Variants in RNPC3 observed in about 807,000 individuals in gnomAD.
RNPC3 encodes RNA binding region (RNP1, RRM) containing 3.
In RNPC3, 48 loss-of-function variants were observed where a neutral mutation model predicts 67.5. The observed-to-expected ratio is 0.71, with a 90% CI of 0.56 to 0.90. RNPC3 has a LOEUF of 0.90. Ranked by LOEUF, RNPC3 falls within the 40% of genes least tolerant of loss-of-function variation. RNPC3 has a pLI of 0.00. For missense variants in RNPC3, 637 were observed against 626.1 expected, an observed-to-expected ratio of 1.02 and a Z score of -0.19; for synonymous variants, 239 against 210.3, an observed-to-expected ratio of 1.14 and a Z score of -1.18.
At chr1:103,546,493 T>G (rs1438395484) in intron 11 of RNPC3, 151 bp downstream of exon 11, 5 of 423,754 alleles carry the variant, frequency 1.2e-5, no homozygotes, top group Non-Finnish European at 4.1e-6. Context: ...TATTTTCAGG[T>G]TAATTTTTTA....
At position 103,541,391 on chromosome 1, in the gene RNPC3, G is replaced by A; in HGVS notation, c.809G>A (p.Arg270Lys). 2.0e-6 allele frequency: 3 copies of A among 1,508,624 alleles called. No individual in the cohort carries two copies. The highest frequency in any genetic ancestry group is 2.6e-6 in the Non-Finnish European group (3 of 1,136,886). 93.5% of individuals were successfully genotyped at this position (1,508,624 alleles called of 1,614,324 possible). ...LMELANLQPK[R>K]PKTIKQRHVR... ...GAACTAGCAAATCTTCAGCCCAAAA[G>A]ACCTAAAACAATAAAGCAGCGCCAT... Residue 270 changes from arginine (R) to lysine (K), a missense_variant, in exon 8 of 15, where the codon AGA (arginine) becomes AAA (lysine). Physicochemically the swap from Arg to Lys is conservative, Grantham distance 26. This residue lies in a region of RNPC3 where 536 missense variants were observed against 500.3 expected (regional missense o/e 1.07). Transcript: ENST00000423855.
chr1:103,540,096 G>A lies in RNPC3; in HGVS notation c.768-1254G>A, dbSNP rs376783433. 1.5e-4 allele frequency among the ~76,000 whole-genome samples: 23 copies of A among 152,188 alleles called. No individual in the cohort carries two copies. In the South Asian group the frequency reaches 3.7e-3, roughly 25 times the overall value. On this transcript the variant is annotated intron_variant, in intron 7 of 14. Coordinates refer to ENST00000423855, the MANE Select transcript of RNPC3 (RefSeq NM_017619.4). ...TGCACAGGCTGGTCTCAAAATCCTG[G>A]GCTCAAGTGACCCGCCCTCCTTGGC...
At position 103,544,921 on chromosome 1, in the gene RNPC3, T is replaced by C. The variant is rs1651208413; in HGVS notation, c.1046-20T>C. 6.8e-6 allele frequency: 10 copies of C among 1,478,162 alleles called. No individual in the cohort carries two copies. Among genetic ancestry groups the C allele is most frequent in the Non-Finnish European group, 8.1e-6 (9 of 1,108,412 alleles). The allele number at this position is 1,478,162 out of a possible 1,614,324, so 91.6% of individuals were successfully genotyped here. Reference sequence around the variant, plus strand: ...TAAAGGAGAGATTCTTAATGGTTAATGTTAATATTGAACTCTTAGATTTAC... The same window carrying C: ...TAAAGGAGAGATTCTTAATGGTTAACGTTAATATTGAACTCTTAGATTTAC... On this transcript the variant is annotated intron_variant, in intron 9 of 14. Transcript: ENST00000423855.
rs553233702 is a variant in RNPC3 at position 103,547,878 on chromosome 1, C to T, written c.1361+843C>T. 3.3e-4 allele frequency among the ~76,000 whole-genome samples: 50 copies of T among 152,248 alleles called. No individual in the cohort carries two copies. The South Asian group carries it at 0.01, about 32-fold the overall frequency. On this transcript the variant is annotated intron_variant, in intron 12 of 14. Transcript: ENST00000423855. ...AGGGAAGCCTGGATCCAGGCATTTC[C>T]ATATATCCTCTGAAATCCAGGTGGA...
chr1:103,537,780 CTA>C (rs1651020437), intron 7 of RNPC3, among the ~76,000 whole-genome samples: 1 of 151,866 alleles, frequency 6.6e-6, no homozygotes, highest in Admixed American at 6.6e-5. Context: ...GAGAATTTGC[CTA>C]TGTGCTAAAA....
At chr1:103,534,673 T>G (rs1650939219) in intron 3 of RNPC3, 101 bp from the exon 4 acceptor site, 2 of 631,920 alleles carry the variant, frequency 3.2e-6, no homozygotes, top group Non-Finnish European at 5.3e-6. Context: ...TTAATGAAGC[T>G]GTTTTTATAA....
intron 9 of RNPC3, among the ~76,000 whole-genome samples, chr1:103,543,933 A>G (rs1021824991): frequency 2.6e-5 from 4 of 151,812 alleles, no homozygotes; most frequent in Non-Finnish European, 3.0e-5. Context: ...AAACAAATGT[A>G]TTGAAATTAC....
intron 3 of RNPC3, 142 bp downstream of exon 3, chr1:103,533,999 C>T (rs1476158698): frequency 3.4e-6 from 2 of 595,214 alleles, no homozygotes; most frequent in African/African-American, 1.9e-5. Flanking sequence ...AAACCTAGTA[C>T]AGTAAAACAG....
chr1:103,526,153 C>G lies in RNPC3; in HGVS notation c.83C>G (p.Thr28Ser). ...CTTTCCCCGCCTCGGGGCGACCGAA[C>G]CCTTCTGGTCAGGCACCTGCCGGCT... ...SSLSPPRGDR[T>S]LLVRHLPAEL... Residue 28 changes from threonine to serine, a missense_variant, in exon 1 of 15, where the codon ACC becomes AGC. Thr to Ser is a moderately conservative substitution (Grantham distance 58, BLOSUM62 1). Transcript: ENST00000423855. The G allele has an allele frequency of 6.4e-7, 1 of 1,551,424 alleles. No homozygotes were observed. Among genetic ancestry groups the G allele is most frequent in the East Asian group, 2.4e-5 (1 of 40,876 alleles).
chr1:103,551,231 AGT>A, intron 13 of RNPC3, 158 bp downstream of exon 13: 1 of 598,990 alleles, frequency 1.7e-6, no homozygotes, highest in Non-Finnish European at 2.9e-6. Context: ...GTCAGATGAC[AGT>A]GTTATTTAGA....
intron 10 of RNPC3, chr1:103,545,361 G>T: frequency 7.0e-6 from 2 of 283,834 alleles, no homozygotes; most frequent in Non-Finnish European, 6.5e-6. Flanking sequence ...ACTTTCATGT[G>T]GCATTTAAAA....
At chr1:103,538,497 G>A (rs896174208) in intron 7 of RNPC3, among the ~76,000 whole-genome samples, 1 of 152,186 alleles carries the variant, frequency 6.6e-6, no homozygotes, top group African/African-American at 2.4e-5. Context: ...GTGAGTCAAT[G>A]TTAATGAATC....
Position 103,546,272 on chromosome 1 carries a change from GA to G in RNPC3, c.1234del (p.Ser412ValfsTer13), listed in dbSNP as rs1302390791. ...REEMETLSVF[R>X]SYEPGEPNCR... is the part of the protein sequence containing the mutation. ...GAAATGGAAACACTTTCAGTTTTCA[GA>G]AGTTATGAACCGGGTGAACCAAACT... On this transcript the variant is annotated frameshift_variant, in exon 11 of 15. Transcript: ENST00000423855. LOFTEE classifies it high-confidence loss of function. 6.9e-7 allele frequency: 1 copy of G among 1,442,938 alleles called. No individual in the cohort carries two copies. The highest frequency in any genetic ancestry group is 1.5e-5 in the African/African-American group (1 of 68,836). 89.4% of individuals were successfully genotyped at this position (1,442,938 alleles called of 1,614,324 possible). A position where few individuals can be genotyped will look rare whatever the true frequency, so the allele number is the denominator to read the frequency against.
intron 12 of RNPC3, among the ~76,000 whole-genome samples, chr1:103,549,673 A>C (rs935307312): frequency 3.3e-4 from 50 of 152,358 alleles, no homozygotes; most frequent in African/African-American, 1.2e-3. Context: ...AAATTTCAAA[A>C]AATGGATACA....
Position 103,530,334 on chromosome 1 carries a change from G to C in RNPC3, c.240+2592G>C, listed in dbSNP as rs150028038. Among the ~76,000 whole-genome samples the C allele has an allele frequency of 1.6e-3, 242 of 152,268 alleles. 1 individual carries two copies. The highest frequency in any genetic ancestry group is 4.4e-3 in the South Asian group (21 of 4,826). On this transcript the variant is annotated intron_variant, in intron 2 of 14. Coordinates refer to ENST00000423855, the MANE Select transcript of RNPC3 (RefSeq NM_017619.4). ...AGATCAGGAGTGCTAAGTGGGGAGA[G>C]GTCAGGCTGTAGTTAGGGTTATATT...
chr1:103,550,822 G>A (rs961894494), intron 12 of RNPC3, 119 bp from the exon 13 acceptor site: 18 of 893,326 alleles, frequency 2.0e-5, no homozygotes, highest in African/African-American at 1.2e-4. Context: ...AATAATTGAC[G>A]TGCCTATCAA....
At chr1:103,529,777 T>G (rs1650802342) in intron 2 of RNPC3, among the ~76,000 whole-genome samples, 1 of 152,188 alleles carries the variant, frequency 6.6e-6, no homozygotes, top group Non-Finnish European at 1.5e-5. Context: ...CCTCAAACCC[T>G]GGGACACAGA....
Position 103,537,424 on chromosome 1 carries a change from A to C in RNPC3, c.707A>C (p.Asp236Ala), listed in dbSNP as rs1293107440. ...GAGGAACCTCCTTTGCCAGACGAGG[A>C]TGAGGAATTATCTAGTGAAGAATCA... ...PPEEPPLPDE[D>A]EELSSEESEY... The change falls in exon 7 of 15, where the codon GAT becomes GCT. Residue 236 changes from aspartate to alanine, a missense_variant. This residue lies in a region of RNPC3 where 536 missense variants were observed against 500.3 expected (regional missense o/e 1.07). Transcript: ENST00000423855. The C allele has an allele frequency of 6.5e-7, 1 of 1,536,594 alleles. No individual in the cohort carries two copies. The highest frequency in any genetic ancestry group is 2.4e-5 in the East Asian group (1 of 40,886).
chr1:103,527,326 C>T (rs1257655898), intron 1 of RNPC3, among the ~76,000 whole-genome samples: 1 of 152,282 alleles, frequency 6.6e-6, no homozygotes, highest in Middle Eastern at 3.4e-3. Context: ...TTAAACTACG[C>T]ATTGTTATGT....
Sources: gnomAD v4.1 joint callset for allele counts (sites outside exome capture counted in the v4.1 genomes callset) on GRCh38, gnomAD v4.1.1 for gene constraint, gnomAD v4.1.1 regional missense constraint, MANE v1.5 for transcripts, NCBI Gene and HGNC (gene_info 2026-07-23, HGNC 2026-07-21) for gene names.